The following GTF2E2 variants were observed in gnomAD, a reference collection of about 807,000 sequenced individuals.
The protein encoded by GTF2E2 is general transcription factor IIE subunit 2, also known as transcription initiation factor IIE subunit beta.
Under a neutral mutation model 40.5 loss-of-function variants are expected in GTF2E2, and 21 were observed. That is an observed-to-expected ratio of 0.52 (90% CI 0.37 to 0.75). GTF2E2 has a LOEUF of 0.75. Ranked by LOEUF, GTF2E2 falls within the 30% of genes least tolerant of loss-of-function variation. The pLI is 0.00. For missense variants in GTF2E2, 298 were observed against 338.4 expected, an observed-to-expected ratio of 0.88 and a Z score of 0.94; for synonymous variants, 117 against 121.6, an observed-to-expected ratio of 0.96 and a Z score of 0.25.
intron 2 of GTF2E2, among the ~76,000 whole-genome samples, chr8:30,647,048 A>G (rs1368410437): frequency 6.6e-6 from 1 of 151,508 alleles, no homozygotes; most frequent in Non-Finnish European, 1.5e-5. Flanking sequence ...TTTAAAAGTA[A>G]AAAATAAATT....
chr8:30,614,784 T>C (rs2151130599), intron 3 of GTF2E2, 69 bp from the exon 4 acceptor site: 1 of 831,456 alleles, frequency 1.2e-6, no homozygotes, highest in East Asian at 2.5e-5. Context: ...CATAGTTACA[T>C]GTAAACAAAC....
intron 3 of GTF2E2, among the ~76,000 whole-genome samples, chr8:30,622,143 C>T (rs577067820): frequency 1.9e-5 from 2 of 104,528 alleles, no homozygotes; most frequent in Admixed American, 1.3e-4. Context: ...CCACAACAGG[C>T]CCCGGTGTGT....
chr8:30,627,658 T>C (rs987205079), intron 3 of GTF2E2, among the ~76,000 whole-genome samples: 1 of 152,100 alleles, frequency 6.6e-6, no homozygotes, highest in African/African-American at 2.4e-5. Flanking sequence ...CAAGACCTCA[T>C]CACTATTTAA....
intron 3 of GTF2E2, among the ~76,000 whole-genome samples, chr8:30,619,332 C>A (rs535173713): frequency 2.0e-4 from 30 of 151,512 alleles, no homozygotes; most frequent in African/African-American, 7.0e-4. Context: ...AGTTTAAAAT[C>A]AAAATTGTCA....
At position 30,650,940 on chromosome 8, in the gene GTF2E2, G is replaced by A. The variant is rs539245908; in HGVS notation, c.166+2493C>T. ...GAGGCAGGAGAACAGCATGAACCCG[G>A]GAAGTGGAGCTTGCACTGAGCTGAG... On this transcript the variant is annotated intron_variant, in intron 2 of 7. Coordinates refer to ENST00000355904, the MANE Select transcript of GTF2E2 (RefSeq NM_002095.6). 8.6e-5 allele frequency among the ~76,000 whole-genome samples: 13 copies of A among 151,928 alleles called. No individual in the cohort carries two copies. The South Asian group carries it at 2.5e-3, about 29-fold the overall frequency.
intron 5 of GTF2E2, among the ~76,000 whole-genome samples, chr8:30,610,889 A>G (rs957417832): frequency 5.3e-5 from 8 of 152,222 alleles, no homozygotes; most frequent in African/African-American, 1.9e-4. Flanking sequence ...ATGGCAACCT[A>G]CAGAATGGGA....
chr8:30,627,563 G>A lies in GTF2E2; in HGVS notation c.258+7469C>T, dbSNP rs552674474. On this transcript the variant is annotated intron_variant, in intron 3 of 7. Transcript: ENST00000355904. ...TCTTGAATGGGCCAGATGCAGTGGC[G>A]CACACCTATAATCCCAGCACTTTGG... Among the ~76,000 whole-genome samples the A allele has an allele frequency of 9.9e-5, 15 of 151,898 alleles. No homozygotes were observed. The East Asian group carries it at 1.7e-3, about 18-fold the overall frequency.
At chr8:30,587,985 G>A (rs1160003013) in intron 6 of GTF2E2, among the ~76,000 whole-genome samples, 1 of 151,510 alleles carries the variant, frequency 6.6e-6, no homozygotes, top group East Asian at 1.9e-4. Context: ...CTGGGGCAGA[G>A]ACTTAAAGGA....
intron 2 of GTF2E2, among the ~76,000 whole-genome samples, chr8:30,644,774 C>T (rs928111863): frequency 1.4e-5 from 2 of 144,490 alleles, no homozygotes; most frequent in South Asian, 2.2e-4. Context: ...TTTTGAGAAA[C>T]GGTTTCATTC....
rs1260246143 is a variant in GTF2E2 at position 30,652,060 on chromosome 8, C to A, written c.166+1373G>T. Among the ~76,000 whole-genome samples the A allele has an allele frequency of 2.0e-5, 3 of 152,162 alleles. 1 individual carries two copies. The highest frequency in any genetic ancestry group is 7.2e-5 in the African/African-American group (3 of 41,436). ...TTTGACTCTTATGCTAATCCATACACAAAAATCAACTCAAATATACTACAA... is the reference window on the plus strand; with the variant it reads ...TTTGACTCTTATGCTAATCCATACAAAAAAATCAACTCAAATATACTACAA... On this transcript the variant is annotated intron_variant, in intron 2 of 7. Coordinates refer to ENST00000355904, the MANE Select transcript of GTF2E2 (RefSeq NM_002095.6).
At chr8:30,581,848 G>A (rs1200019615) in intron 6 of GTF2E2, among the ~76,000 whole-genome samples, 1 of 152,042 alleles carries the variant, frequency 6.6e-6, no homozygotes, top group Non-Finnish European at 1.5e-5. Flanking sequence ...AGTCGGCACT[G>A]TACCTAGCAC....
intron 6 of GTF2E2, among the ~76,000 whole-genome samples, chr8:30,597,856 T>C (rs1585947109): frequency 6.6e-6 from 1 of 152,184 alleles, no homozygotes; most frequent in Non-Finnish European, 1.5e-5. Context: ...TGAAAGAAAA[T>C]AATTTCAGGT....
intron 3 of GTF2E2, among the ~76,000 whole-genome samples, chr8:30,623,896 A>G (rs1290625271): frequency 6.6e-6 from 1 of 151,836 alleles, no homozygotes; most frequent in Non-Finnish European, 1.5e-5. Context: ...AGTTCTTTGT[A>G]GATTCTGGAT....
At chr8:30,594,951 A>G (rs1828958196) in intron 6 of GTF2E2, among the ~76,000 whole-genome samples, 1 of 152,094 alleles carries the variant, frequency 6.6e-6, no homozygotes, top group African/African-American at 2.4e-5. Flanking sequence ...CACAATGATT[A>G]ATGTAGTTGG....
intron 3 of GTF2E2, among the ~76,000 whole-genome samples, chr8:30,628,741 C>CTA (rs1801354950): frequency 1.3e-5 from 2 of 152,070 alleles, no homozygotes; most frequent in African/African-American, 4.8e-5. Context: ...CCCATCCTGG[C>CTA]TAACACGGTG....
intron 3 of GTF2E2, among the ~76,000 whole-genome samples, chr8:30,626,751 C>T (rs1031839026): frequency 6.6e-6 from 1 of 152,188 alleles, no homozygotes. Context: ...AGAGAGAGAA[C>T]AGCCTACCAC....
intron 2 of GTF2E2, among the ~76,000 whole-genome samples, chr8:30,638,851 A>C (rs1437181905): frequency 6.6e-6 from 1 of 152,196 alleles, no homozygotes; most frequent in Non-Finnish European, 1.5e-5. Flanking sequence ...TCTGTGCCTT[A>C]ATGGAAAATT....
intron 6 of GTF2E2, among the ~76,000 whole-genome samples, chr8:30,591,444 A>G (rs1459790898): frequency 6.6e-6 from 1 of 152,188 alleles, no homozygotes; most frequent in East Asian, 1.9e-4. Context: ...TGATAGCATC[A>G]CTGCACTCAA....
chr8:30,637,689 A>G (rs1801654192), intron 2 of GTF2E2, among the ~76,000 whole-genome samples: 1 of 152,052 alleles, frequency 6.6e-6, no homozygotes, highest in African/African-American at 2.4e-5. Context: ...GTGCCTGGCT[A>G]ATTTTTGTAC....
Sources: gnomAD v4.1 joint callset for allele counts (sites outside exome capture counted in the v4.1 genomes callset) on GRCh38, gnomAD v4.1.1 for gene constraint, MANE v1.5 for transcripts, NCBI Gene and HGNC (gene_info 2026-07-23, HGNC 2026-07-21) for gene names.